The following MICU3 variants were observed in gnomAD, a reference collection of about 807,000 sequenced individuals.
MICU3 encodes calcium uptake protein 3, mitochondrial.
In MICU3, 62 loss-of-function variants were observed where a neutral mutation model predicts 66.5. The observed-to-expected ratio is 0.93, with a 90% CI of 0.76 to 1.15. The LOEUF (loss-of-function observed/expected upper bound fraction) is 1.15, where lower values mean the gene tolerates loss of function less well. Among genes scored for constraint, MICU3 ranks in the 50% most tolerant of loss-of-function variants. The pLI is 0.00. For missense variants in MICU3, 779 were observed against 664.4 expected (o/e 1.17, Z -1.90); for synonymous variants, 308 against 240.7 (o/e 1.28, Z -2.59).
intron 9 of MICU3, among the ~76,000 whole-genome samples, chr8:17,103,995 A>G (rs1414327493): frequency 6.6e-6 from 1 of 151,886 alleles, no homozygotes; most frequent in South Asian, 2.1e-4. Flanking sequence ...ACATCATTTA[A>G]AAAAACAGAT....
In MICU3 at chr8:17,027,395, C is replaced by A. The variant is rs1811169951; in HGVS notation, c.116C>A (p.Pro39His). The A allele has an allele frequency of 7.0e-7, 1 of 1,436,710 alleles. No homozygotes were observed. Among genetic ancestry groups the A allele is most frequent in the Non-Finnish European group, 9.1e-7 (1 of 1,103,642 alleles). The allele number at this position is 1,436,710 out of a possible 1,614,324, so 89.0% of individuals were successfully genotyped here. A position where few individuals can be genotyped will look rare whatever the true frequency, so the allele number is the denominator to read the frequency against. Residue 39 changes from proline to histidine, a missense_variant, in exon 1 of 15, where the codon CCT becomes CAT. Physicochemically the swap from Pro to His is moderately conservative, Grantham distance 77. Coordinates refer to ENST00000318063, the MANE Select transcript of MICU3 (RefSeq NM_181723.3). ...GRPAVTTLGL[P>H]GRPFSSREDE... is the part of the protein sequence containing the mutation. ...CCTGCGGTGACCACCCTGGGCCTTCCTGGCCGGCCCTTCTCCTCCCGAGAG... is the reference window on the plus strand; with the variant it reads ...CCTGCGGTGACCACCCTGGGCCTTCATGGCCGGCCCTTCTCCTCCCGAGAG...
At chr8:17,077,062 T>C (rs2150704086) in intron 3 of MICU3, among the ~76,000 whole-genome samples, 1 of 152,342 alleles carries the variant, frequency 6.6e-6, no homozygotes, top group Non-Finnish European at 1.5e-5. Flanking sequence ...TGATTTAGCA[T>C]ATGAGTAATG....
chr8:17,104,994 CA>C (rs746149322), intron 10 of MICU3, among the ~76,000 whole-genome samples: 52 of 8,718 alleles, frequency 6.0e-3, no homozygotes, highest in African/African-American at 0.016. Flanking sequence ...GACTCCGTCT[CA>C]AAAAAAAAAA....
chr8:17,118,662 T>G (rs749032508), intron 13 of MICU3, 45 bp from the exon 14 acceptor site: 1 of 1,254,032 alleles, frequency 8.0e-7, no homozygotes, highest in South Asian at 1.3e-5. Flanking sequence ...TCACGCTGTA[T>G]TTGTCTTTCT....
At position 17,116,518 on chromosome 8, in the gene MICU3, T is replaced by A; in HGVS notation, c.1442T>A (p.Ile481Asn). The A allele has an allele frequency of 6.4e-7, 1 of 1,573,310 alleles. No homozygotes were observed. The highest frequency in any genetic ancestry group is 8.6e-7 in the Non-Finnish European group (1 of 1,165,502). ...CATTTAGTGAACACTGTCTTCAAGA[T>A]TTTTGATGTTGACAAAGATGATCAA... ...SPHLVNTVFK[I>N]FDVDKDDQLS... The change falls in exon 13 of 15, where the codon ATT (isoleucine) becomes AAT (asparagine). Residue 481 changes from isoleucine (I) to asparagine (N), a missense_variant. Coordinates refer to ENST00000318063, the MANE Select transcript of MICU3 (RefSeq NM_181723.3).
At chr8:17,069,998 T>C (rs1306337583) in intron 3 of MICU3, among the ~76,000 whole-genome samples, 2 of 152,044 alleles carry the variant, frequency 1.3e-5, no homozygotes, top group African/African-American at 2.4e-5. Flanking sequence ...TCTACTAAAA[T>C]TGGCGATATG....
chr8:17,071,422 T>G (rs1819567344), intron 3 of MICU3, among the ~76,000 whole-genome samples: 1 of 152,176 alleles, frequency 6.6e-6, no homozygotes, highest in Non-Finnish European at 1.5e-5. Flanking sequence ...TAATCTCTTC[T>G]TATAAGGACG....
chr8:17,054,503 A>G (rs2150581477), intron 1 of MICU3, among the ~76,000 whole-genome samples: 1 of 152,278 alleles, frequency 6.6e-6, no homozygotes, highest in East Asian at 1.9e-4. Context: ...CACCAAGTTT[A>G]GGAATAATTC....
chr8:17,056,926 G>T (rs1817033664), intron 1 of MICU3, among the ~76,000 whole-genome samples: 1 of 152,224 alleles, frequency 6.6e-6, no homozygotes. Context: ...AACTGAAGTA[G>T]ATCTAAAATA....
Position 17,116,462 on chromosome 8 carries a change from C to T in MICU3, c.1386C>T (p.Val462=). 1 of 1,509,168 alleles carries T rather than the reference C, an allele frequency of 6.6e-7. No homozygotes were observed. Among genetic ancestry groups the T allele is most frequent in the South Asian group, 1.4e-5 (1 of 71,584 alleles). The allele number at this position is 1,509,168 out of a possible 1,614,324, so 93.5% of individuals were successfully genotyped here. The part of the protein sequence containing the change: ...SIGQDEFKRA[V]YVATGLKFSP... Reference sequence around the variant, plus strand: ...ATCTAGATGAATTTAAACGTGCCGTCTATGTAGCTACTGGACTCAAATTTT... The same window carrying T: ...ATCTAGATGAATTTAAACGTGCCGTTTATGTAGCTACTGGACTCAAATTTT... Residue 462 remains valine (V), a synonymous_variant, in exon 13 of 15, where the codon GTC becomes GTT. Transcript: ENST00000318063.
chr8:17,105,302 T>C, intron 10 of MICU3, 111 bp from the exon 11 acceptor site: 1 of 620,288 alleles, frequency 1.6e-6, no homozygotes, highest in South Asian at 2.3e-5. Flanking sequence ...CTTTGCATCA[T>C]CATACAATTA....
chr8:17,100,129 G>C (rs1801129638), intron 9 of MICU3, among the ~76,000 whole-genome samples: 1 of 151,598 alleles, frequency 6.6e-6, no homozygotes, highest in Admixed American at 6.6e-5. Context: ...TCAACATTCT[G>C]TGACACCCCC....
chr8:17,062,059 GTTAAA>G, intron 1 of MICU3, among the ~76,000 whole-genome samples: 1 of 152,246 alleles, frequency 6.6e-6, no homozygotes, highest in African/African-American at 2.4e-5. Flanking sequence ...TTTGTTTACT[GTTAAA>G]TTAAACTCCG....
the MICU3 span, chr8:17,132,543 G>A: frequency 1.3e-5 from 2 of 152,248 alleles, no homozygotes; most frequent in South Asian, 4.1e-4. Context: ...ATGTATAAAG[G>A]CAACCCAGTT....
At chr8:17,116,709 G>A in intron 13 of MICU3, 109 bp downstream of exon 13, 2 of 807,384 alleles carry the variant, frequency 2.5e-6, no homozygotes, top group South Asian at 2.2e-5. Flanking sequence ...ATATAAACAT[G>A]AATGCTTTAT....
intron 1 of MICU3, among the ~76,000 whole-genome samples, chr8:17,053,685 T>C (rs1196980061): frequency 2.0e-5 from 3 of 152,200 alleles, no homozygotes; most frequent in Non-Finnish European, 4.4e-5. Context: ...CTAAAAAGAA[T>C]TATTACTTAA....
At chr8:17,081,198 T>C (rs1821130583) in intron 4 of MICU3, among the ~76,000 whole-genome samples, 2 of 152,128 alleles carry the variant, frequency 1.3e-5, no homozygotes, top group Admixed American at 1.3e-4. Flanking sequence ...AGAAAAGTGG[T>C]AACTATAGAG....
chr8:17,135,110 T>C, the MICU3 span, among the ~76,000 whole-genome samples: 1 of 152,046 alleles, frequency 6.6e-6, no homozygotes, highest in Admixed American at 6.6e-5. Context: ...CTTTTAAGAA[T>C]GGACATTTGG....
chr8:17,085,308 A>G lies in MICU3; in HGVS notation c.767A>G (p.Glu256Gly), dbSNP rs1799352709. ...GGCAATGAGATGGTGGATAAAAAAG[A>G]GTTTTTGGTGGTATGTATACTAGAT... ...TDGNEMVDKK[E>G]FLVLQEIFRK... The change falls in exon 6 of 15, where the codon GAG (glutamate) becomes GGG (glycine). Residue 256 changes from glutamate to glycine, a missense_variant. By Grantham distance (98) the Glu-to-Gly change is moderately conservative. Coordinates refer to ENST00000318063, the MANE Select transcript of MICU3 (RefSeq NM_181723.3). 6.2e-7 allele frequency: 1 copy of G among 1,602,934 alleles called. No homozygotes were observed. The highest frequency in any genetic ancestry group is 1.3e-5 in the African/African-American group (1 of 74,594).
Sources: allele counts gnomAD v4.1 joint callset (sites outside exome capture counted in the v4.1 genomes callset), GRCh38; gene constraint gnomAD v4.1.1; transcripts MANE v1.5; gene names NCBI Gene and HGNC (gene_info 2026-07-23, HGNC 2026-07-21).